KTN1: variants seen among roughly 807,000 people sequenced by gnomAD.
The protein encoded by KTN1 is kinectin 1, also known as kinectin.
Under a neutral mutation model 222.5 loss-of-function variants are expected in KTN1, and 130 were observed. The ratio of observed to expected loss-of-function variants is 0.58; its 90% CI spans 0.51 to 0.68. The LOEUF (loss-of-function observed/expected upper bound fraction) is 0.68. Ranked by LOEUF, KTN1 falls within the 30% of genes least tolerant of loss-of-function variation. The pLI is 0.00. For synonymous variants in KTN1, 512 were observed against 496.3 expected, an observed-to-expected ratio of 1.03 and a Z score of -0.42; for missense variants, 1,508 against 1,500.4, an observed-to-expected ratio of 1.01 and a Z score of -0.08.
At chr14:55,664,128 C>A in intron 33 of KTN1, 87 bp downstream of exon 33, 1 of 794,298 alleles carries the variant, frequency 1.3e-6, no homozygotes, top group South Asian at 1.8e-5. Context: ...TTTACTTTTA[C>A]TGCAATTTAA....
At chr14:55,594,406 A>G (rs1166627885) in intron 1 of KTN1, among the ~76,000 whole-genome samples, 1 of 152,126 alleles carries the variant, frequency 6.6e-6, no homozygotes, top group East Asian at 1.9e-4. Context: ...TTAAGCATTG[A>G]AATGTGATTC....
At chr14:55,597,853 A>G (rs908621414) in intron 1 of KTN1, among the ~76,000 whole-genome samples, 1 of 127,376 alleles carries the variant, frequency 7.9e-6, no homozygotes, top group Non-Finnish European at 1.8e-5. Context: ...CCCTATCTCA[A>G]AAAAAAAAAG....
intron 33 of KTN1, among the ~76,000 whole-genome samples, chr14:55,667,003 G>A (rs1328199274): frequency 6.6e-6 from 1 of 151,962 alleles, no homozygotes; most frequent in Non-Finnish European, 1.5e-5. Context: ...TGTCCATATT[G>A]TCAGATATTG....
At chr14:55,595,564 A>G (rs971104768) in intron 1 of KTN1, among the ~76,000 whole-genome samples, 1 of 152,238 alleles carries the variant, frequency 6.6e-6, no homozygotes, top group African/African-American at 2.4e-5. Flanking sequence ...TGGCAAGATT[A>G]TCTTTAATTG....
In KTN1 at chr14:55,637,820, G is replaced by T; in HGVS notation, c.1758G>T (p.Gln586His). The T allele has an allele frequency of 6.2e-7, 1 of 1,611,262 alleles. No homozygotes were observed. Among genetic ancestry groups the T allele is most frequent in the South Asian group, 1.1e-5 (1 of 90,688 alleles). ...ATGAGGCTTTGAAAGCTCAAATTCA[G>T]CAGTTCCATTCCCAGATAGCAGCCC... ...EQNEALKAQIQQFHSQIAAQT... is the reference protein window; with the variant it reads ...EQNEALKAQIHQFHSQIAAQT... The change falls in exon 12 of 44, where the codon CAG becomes CAT. Residue 586 changes from glutamine to histidine, a missense_variant. Gln to His is a conservative substitution (Grantham distance 24). Coordinates refer to ENST00000395314, the MANE Select transcript of KTN1 (RefSeq NM_001079521.2).
rs2140291029 is a variant in KTN1, at chr14:55,583,437, A to C, written c.-31+3083A>C. ...CATACCCTAAAAAAAGTTATGATTT[A>C]GTATTTTACGAATCGTCCTAGCTAC... On this transcript the variant is annotated intron_variant, in intron 1 of 43. Coordinates refer to ENST00000395314, the MANE Select transcript of KTN1 (RefSeq NM_001079521.2). Among the ~76,000 whole-genome samples the C allele has an allele frequency of 1.3e-5, 2 of 152,366 alleles. 1 individual carries two copies. Among genetic ancestry groups the C allele is most frequent in the Middle Eastern group, 6.8e-3 (2 of 294 alleles).
chr14:55,661,638 G>A, intron 32 of KTN1, 26 bp downstream of exon 32: 1 of 1,278,468 alleles, frequency 7.8e-7, no homozygotes, highest in Non-Finnish European at 1.1e-6. Flanking sequence ...TCAGAATGAA[G>A]CTTTTCTTTT....
At chr14:55,680,693 A>G in intron 43 of KTN1, 3 of 1,366,562 alleles carry the variant, frequency 2.2e-6, no homozygotes, top group Non-Finnish European at 2.9e-6. Flanking sequence ...TAGAGTGATC[A>G]TCCTCTGGCC....
In KTN1 at chr14:55,656,036, T is replaced by C. The variant is rs2043432307; in HGVS notation, c.2802-6T>C. On this transcript the variant is annotated splice_polypyrimidine_tract_variant and splice_region_variant and intron_variant, in intron 28 of 43. Coordinates refer to ENST00000395314, the MANE Select transcript of KTN1 (RefSeq NM_001079521.2). ...AGTTAATGCAGATCTTTGTAAAAAA[T>C]TCTAGGTTGAAAGAAAAGGAAAATG... 1 of 1,572,794 alleles carries C rather than the reference T, an allele frequency of 6.4e-7. No individual in the cohort carries two copies. The highest frequency in any genetic ancestry group is 2.3e-5 in the East Asian group (1 of 44,286).
At chr14:55,637,102 GA>G (rs1348967257) in intron 10 of KTN1, 95 bp from the exon 11 acceptor site, 4 of 838,724 alleles carry the variant, frequency 4.8e-6, no homozygotes, top group Non-Finnish European at 5.4e-6. Context: ...GAGATTCAAA[GA>G]AGGTTTTCTA....
chr14:55,637,529 GGT>G (rs1392526744), intron 11 of KTN1, among the ~76,000 whole-genome samples, 165 bp downstream of exon 11: 7 of 151,544 alleles, frequency 4.6e-5, no homozygotes, highest in African/African-American at 1.7e-4. Flanking sequence ...TGTGTTTGAA[GGT>G]GTGCTCACCC....
intron 24 of KTN1, chr14:55,651,208 G>T (rs538519917): frequency 4.4e-6 from 2 of 453,346 alleles, no homozygotes; most frequent in Non-Finnish European, 8.9e-6. Context: ...CTCGTGATTG[G>T]TGGATCACTA....
At chr14:55,591,818 C>G (rs1327777101) in intron 1 of KTN1, among the ~76,000 whole-genome samples, 4 of 152,012 alleles carry the variant, frequency 2.6e-5, no homozygotes. Context: ...TCAGGTGATC[C>G]GCCCGCCTCG....
At chr14:55,669,737 T>C (rs1356780446) in intron 34 of KTN1, among the ~76,000 whole-genome samples, 1 of 152,008 alleles carries the variant, frequency 6.6e-6, no homozygotes, top group Non-Finnish European at 1.5e-5. Context: ...GGTTCAGATT[T>C]ATAATGTGAG....
Position 55,678,333 on chromosome 14 carries a change from C to CT in KTN1, c.3856-19_3856-18insT. 1 of 1,423,804 alleles carries CT rather than the reference C, an allele frequency of 7.0e-7. No homozygotes were observed. The highest frequency in any genetic ancestry group is 9.9e-7 in the Non-Finnish European group (1 of 1,007,338). 88.2% of individuals were successfully genotyped at this position (1,423,804 alleles called of 1,614,324 possible). ...ATCAACTGTATTACTTAGTAGCTAC[C>CT]ATATTGTTTTCCTTATAGGCTCAAC... is the stretch of plus-strand genomic sequence containing the variant. On this transcript the variant is annotated intron_variant, in intron 41 of 43. Coordinates refer to ENST00000395314, the MANE Select transcript of KTN1 (RefSeq NM_001079521.2).
chr14:55,614,301 G>A (rs886714535), intron 2 of KTN1, among the ~76,000 whole-genome samples: 3 of 152,236 alleles, frequency 2.0e-5, no homozygotes, highest in Admixed American at 6.5e-5. Context: ...ATTTGATGCC[G>A]GCAGACTAGT....
At chr14:55,649,458 C>G (rs1227729715) in intron 21 of KTN1, among the ~76,000 whole-genome samples, 1 of 152,220 alleles carries the variant, frequency 6.6e-6, no homozygotes, top group Non-Finnish European at 1.5e-5. Flanking sequence ...AAGTAAGACT[C>G]TAGTAAAAGA....
At chr14:55,677,155 G>GA (rs1185482584) in intron 41 of KTN1, among the ~76,000 whole-genome samples, 1 of 152,110 alleles carries the variant, frequency 6.6e-6, no homozygotes, top group African/African-American at 2.4e-5. Flanking sequence ...CATTTGATTG[G>GA]AAAAGCACAT....
chr14:55,679,410 T>G (rs2046172856), intron 42 of KTN1, 155 bp from the exon 43 acceptor site: 1 of 626,976 alleles, frequency 1.6e-6, no homozygotes, highest in Non-Finnish European at 2.7e-6. Flanking sequence ...AAACAGTATT[T>G]CTCTATGTGG....
Sources: allele counts gnomAD v4.1 joint callset (sites outside exome capture counted in the v4.1 genomes callset), GRCh38; gene constraint gnomAD v4.1.1; transcripts MANE v1.5; gene names NCBI Gene and HGNC (gene_info 2026-07-23, HGNC 2026-07-21).